The following SLC25A21 variants were observed in gnomAD, a reference collection of about 807,000 sequenced individuals.
SLC25A21 encodes the protein solute carrier family 25 member 21.
In SLC25A21, 47 loss-of-function variants were observed where a neutral mutation model predicts 43.8. The ratio of observed to expected loss-of-function variants is 1.07; its 90% CI spans 0.85 to 1.37. The LOEUF (loss-of-function observed/expected upper bound fraction) is 1.37. SLC25A21 is among the 40% of genes most tolerant of loss of function. The probability of loss-of-function intolerance (pLI) is 0.00; values close to 1 mark genes in which losing one functional copy is unlikely to be tolerated. For missense variants in SLC25A21, 352 were observed against 350.2 expected (o/e 1.00, Z -0.04); for synonymous variants, 131 against 121.3 (o/e 1.08, Z -0.52).
intron 1 of SLC25A21, among the ~76,000 whole-genome samples, chr14:37,040,036 AAT>A (rs1961412140): frequency 9.4e-6 from 1 of 106,868 alleles, no homozygotes; most frequent in Non-Finnish European, 1.7e-5. Flanking sequence ...CTCTACTAAA[AAT>A]ATAAAAAAAA....
intron 1 of SLC25A21, among the ~76,000 whole-genome samples, chr14:37,152,161 T>C (rs1963769626): frequency 1.3e-5 from 2 of 152,166 alleles, no homozygotes; most frequent in African/African-American, 2.4e-5. Context: ...ATCATACTTA[T>C]TGACTATGAT....
At chr14:36,771,614 G>T (rs760870332) in intron 3 of SLC25A21, among the ~76,000 whole-genome samples, 7 of 152,222 alleles carry the variant, frequency 4.6e-5, no homozygotes, top group Non-Finnish European at 8.8e-5. Context: ...ACTCTCTAGA[G>T]AAGAGTTTCT....
intron 1 of SLC25A21, among the ~76,000 whole-genome samples, chr14:36,927,042 T>C (rs1165653969): frequency 6.6e-6 from 1 of 152,094 alleles, no homozygotes; most frequent in East Asian, 1.9e-4. Flanking sequence ...TGGTCGTGTG[T>C]GCCTGTTGTC....
At chr14:36,865,477 C>T (rs1030138437) in intron 2 of SLC25A21, among the ~76,000 whole-genome samples, 6 of 152,158 alleles carry the variant, frequency 3.9e-5, no homozygotes, top group African/African-American at 9.6e-5. Context: ...TCAAAAACCA[C>T]GGAATGAGCT....
At chr14:37,132,854 C>T (rs1963414003) in intron 1 of SLC25A21, among the ~76,000 whole-genome samples, 1 of 152,062 alleles carries the variant, frequency 6.6e-6, no homozygotes, top group Admixed American at 6.5e-5. Context: ...CTTCAGCCTC[C>T]CGACTAACTG....
At chr14:36,943,773 C>T (rs549635934) in intron 1 of SLC25A21, among the ~76,000 whole-genome samples, 4 of 152,152 alleles carry the variant, frequency 2.6e-5, no homozygotes, top group Admixed American at 1.3e-4. Context: ...AGGAAGGTTT[C>T]GCCAAGGCTT....
At chr14:36,943,436 C>T (rs111977738) in intron 1 of SLC25A21, among the ~76,000 whole-genome samples, 2,626 of 152,284 alleles carry the variant, frequency 0.017, 68 homozygotes, top group African/African-American at 0.059. Flanking sequence ...ATGTGATCTG[C>T]CCGCCTTGGC....
At chr14:37,060,346 T>G (rs534877296) in intron 1 of SLC25A21, among the ~76,000 whole-genome samples, 11 of 149,960 alleles carry the variant, frequency 7.3e-5, no homozygotes, top group African/African-American at 2.4e-4. Context: ...TATTTTATTA[T>G]AGCAGAATGA....
chr14:36,925,845 T>A (rs1248249801), intron 1 of SLC25A21, among the ~76,000 whole-genome samples: 1 of 151,872 alleles, frequency 6.6e-6, no homozygotes, highest in East Asian at 1.9e-4. Context: ...AGACTCCATC[T>A]CAAAACAAAA....
intron 1 of SLC25A21, among the ~76,000 whole-genome samples, chr14:37,115,457 G>A (rs989012961): frequency 6.6e-6 from 1 of 152,130 alleles, no homozygotes; most frequent in Non-Finnish European, 1.5e-5. Flanking sequence ...GGAAGACACA[G>A]GAAAGACTGA....
At chr14:37,050,329 C>A (rs1049041768) in intron 1 of SLC25A21, among the ~76,000 whole-genome samples, 1 of 152,174 alleles carries the variant, frequency 6.6e-6, no homozygotes, top group African/African-American at 2.4e-5. Flanking sequence ...GTAAAATAAA[C>A]ATTGATTCTC....
At position 36,798,747 on chromosome 14, in the gene SLC25A21, A is replaced by G. The variant is rs191173696; in HGVS notation, c.203+15171T>C. On this transcript the variant is annotated intron_variant, in intron 3 of 9. Transcript: ENST00000331299. ...TGTTGTTTGCCCTTCATCTCCTTCT[A>G]TATCAAAACACTTTGTACACTTCAG... Among the ~76,000 whole-genome samples the G allele has an allele frequency of 5.3e-5, 8 of 152,266 alleles. No individual in the cohort carries two copies. The East Asian group carries it at 9.7e-4, about 18-fold the overall frequency.
At chr14:37,027,580 G>C (rs1291049290) in intron 1 of SLC25A21, among the ~76,000 whole-genome samples, 1 of 152,194 alleles carries the variant, frequency 6.6e-6, no homozygotes, top group Non-Finnish European at 1.5e-5. Flanking sequence ...AGTAGCTCCG[G>C]AGTGTGCTCA....
chr14:36,981,102 G>T (rs1461457040), intron 1 of SLC25A21, among the ~76,000 whole-genome samples: 2 of 151,522 alleles, frequency 1.3e-5, no homozygotes, highest in African/African-American at 4.8e-5. Context: ...ATGATCACTG[G>T]CCATCAGAGA....
At chr14:36,939,549 TCCCAGAA>T (rs1291977419) in intron 1 of SLC25A21, among the ~76,000 whole-genome samples, 1 of 152,074 alleles carries the variant, frequency 6.6e-6, no homozygotes, top group Non-Finnish European at 1.5e-5. Flanking sequence ...TTGTCAAATC[TCCCAGAA>T]CCCAACCTCT....
intron 9 of SLC25A21, among the ~76,000 whole-genome samples, chr14:36,683,338 C>T (rs909635450): frequency 5.3e-5 from 8 of 152,164 alleles, no homozygotes; most frequent in Admixed American, 3.3e-4. Flanking sequence ...CAGCTAGTTA[C>T]GGTGTCACCA....
intron 7 of SLC25A21, among the ~76,000 whole-genome samples, chr14:36,710,954 G>C (rs1403076187): frequency 6.6e-6 from 1 of 152,086 alleles, no homozygotes; most frequent in Non-Finnish European, 1.5e-5. Context: ...TCTTGAGAAA[G>C]TTATGCTCCT....
At chr14:36,897,912 T>C (rs1385475048) in intron 1 of SLC25A21, among the ~76,000 whole-genome samples, 3 of 152,100 alleles carry the variant, frequency 2.0e-5, no homozygotes, top group Non-Finnish European at 4.4e-5. Context: ...CTCAGAGGAG[T>C]ACCTGGCCGT....
chr14:36,713,407 G>A (rs1284684513), intron 6 of SLC25A21, among the ~76,000 whole-genome samples: 1 of 152,008 alleles, frequency 6.6e-6, no homozygotes, highest in East Asian at 1.9e-4. Context: ...AGTGGCATTT[G>A]CTAATTGTCT....
Sources: gnomAD v4.1 joint callset for allele counts (sites outside exome capture counted in the v4.1 genomes callset) on GRCh38, gnomAD v4.1.1 for gene constraint, MANE v1.5 for transcripts, NCBI Gene and HGNC (gene_info 2026-07-23, HGNC 2026-07-21) for gene names.